Variants in GRIK1 observed in about 807,000 individuals in gnomAD.
The protein encoded by GRIK1 is glutamate receptor ionotropic, kainate 1.
A neutral mutation model predicts 105.7 loss-of-function variants in GRIK1; 69 were observed. The ratio of observed to expected loss-of-function variants is 0.65; its 90% CI spans 0.54 to 0.80. The LOEUF (loss-of-function observed/expected upper bound fraction) is 0.80. Among genes scored for constraint, GRIK1 ranks in the 30% least tolerant of loss-of-function variants. The pLI is 0.00. For missense variants in GRIK1, 1,109 were observed against 1,167.3 expected (o/e 0.95, Z 0.73); for synonymous variants, 438 against 431.3 (o/e 1.02, Z -0.19).
At chr21:29,792,501 A>C (rs2066446364) in intron 1 of GRIK1, among the ~76,000 whole-genome samples, 1 of 152,212 alleles carries the variant, frequency 6.6e-6, no homozygotes, top group African/African-American at 2.4e-5. Flanking sequence ...TCAACATGAG[A>C]AATCCTAGAG....
intron 1 of GRIK1, among the ~76,000 whole-genome samples, chr21:29,761,638 G>A (rs1446757594): frequency 6.6e-6 from 1 of 152,036 alleles, no homozygotes; most frequent in African/African-American, 2.4e-5. Flanking sequence ...TTTTAAATCA[G>A]ATTCTATTTA....
chr21:29,827,763 C>T (rs370011519), intron 1 of GRIK1, among the ~76,000 whole-genome samples: 1 of 152,050 alleles, frequency 6.6e-6, no homozygotes, highest in Non-Finnish European at 1.5e-5. Flanking sequence ...CAAGTAAACA[C>T]CCCAAAACTT....
intron 6 of GRIK1, among the ~76,000 whole-genome samples, chr21:29,650,266 G>A (rs1270803436): frequency 6.6e-6 from 1 of 152,174 alleles, no homozygotes; most frequent in African/African-American, 2.4e-5. Flanking sequence ...GAGATGTTGG[G>A]TAAATTGCAT....
chr21:29,909,748 G>C (rs978082651), intron 1 of GRIK1, among the ~76,000 whole-genome samples: 4 of 152,126 alleles, frequency 2.6e-5, no homozygotes, highest in Admixed American at 2.6e-4. Context: ...ATCACTTTCT[G>C]AAAAATCACA....
rs564243517 is a variant in GRIK1 at position 29,903,359 on chromosome 21, G to T, written c.118+36024C>A. Among the ~76,000 whole-genome samples, 144 of 152,254 alleles carry T rather than the reference G, an allele frequency of 9.5e-4. 1 individual carries two copies. The highest frequency in any genetic ancestry group is 3.3e-3 in the African/African-American group (139 of 41,550). On this transcript the variant is annotated intron_variant, in intron 1 of 17. Transcript: ENST00000327783. ...AGTGAACAGGCAACTTACAGAATGG[G>T]AGAAAATTTTTTCAATCTATCCATC...
At chr21:29,688,560 A>C (rs538923049) in intron 3 of GRIK1, among the ~76,000 whole-genome samples, 1 of 152,240 alleles carries the variant, frequency 6.6e-6, no homozygotes, top group South Asian at 2.1e-4. Context: ...TATTCTATCC[A>C]TGTGGAATTA....
At chr21:29,760,836 G>T (rs1235116341) in intron 1 of GRIK1, among the ~76,000 whole-genome samples, 1 of 152,152 alleles carries the variant, frequency 6.6e-6, no homozygotes, top group Non-Finnish European at 1.5e-5. Context: ...ATGTCTGTCA[G>T]TGATTCACAG....
chr21:29,798,154 A>G (rs977202605), intron 1 of GRIK1, among the ~76,000 whole-genome samples: 1 of 152,208 alleles, frequency 6.6e-6, no homozygotes, highest in African/African-American at 2.4e-5. Flanking sequence ...ACTGTCTTTT[A>G]TAATATACTT....
In GRIK1 at chr21:29,612,217, A is replaced by G. The variant is rs150056340; in HGVS notation, c.1099-13280T>C. Among the ~76,000 whole-genome samples, 106 of 152,288 alleles carry G rather than the reference A, an allele frequency of 7.0e-4. 1 individual carries two copies. The East Asian group carries it at 0.017, about 25-fold the overall frequency. On this transcript the variant is annotated intron_variant, in intron 7 of 17. Coordinates refer to ENST00000327783, the MANE Select transcript of GRIK1 (RefSeq NM_001330994.2). The stretch of plus-strand genomic sequence containing the variant: ...GGGATTTCTAGAAAATGAACCCTTG[A>G]CCTTTGGCTAGTTTGTTGAAACACC...
chr21:29,828,964 A>T (rs2067552136), intron 1 of GRIK1, among the ~76,000 whole-genome samples: 1 of 152,144 alleles, frequency 6.6e-6, no homozygotes, highest in Admixed American at 6.6e-5. Flanking sequence ...CTTTTAACTC[A>T]GCTCTTCTAA....
intron 1 of GRIK1, among the ~76,000 whole-genome samples, chr21:29,780,642 G>T (rs559587412): frequency 6.6e-6 from 1 of 152,264 alleles, no homozygotes; most frequent in South Asian, 2.1e-4. Context: ...GGGAATTAGG[G>T]CAAGAATCTC....
intron 1 of GRIK1, among the ~76,000 whole-genome samples, chr21:29,767,455 C>T (rs2065695572): frequency 6.6e-6 from 1 of 151,584 alleles, no homozygotes; most frequent in Non-Finnish European, 1.5e-5. Flanking sequence ...TACAACCTGT[C>T]TGCATTATGG....
At position 29,599,132 on chromosome 21, in the gene GRIK1, C is replaced by T. The variant is rs569938407; in HGVS notation, c.1099-195G>A. 1.7e-4 allele frequency among the ~76,000 whole-genome samples: 26 copies of T among 152,294 alleles called. No individual in the cohort carries two copies. The South Asian group carries it at 5.4e-3, about 32-fold the overall frequency. ...TTTTATTAGCACTCATTTATTCTGT[C>T]AATTCTAACATCCTAACCCAGTCAA... On this transcript the variant is annotated intron_variant, in intron 7 of 17. Coordinates refer to ENST00000327783, the MANE Select transcript of GRIK1 (RefSeq NM_001330994.2).
intron 1 of GRIK1, among the ~76,000 whole-genome samples, chr21:29,775,275 C>CA (rs66647707): frequency 0.012 from 873 of 73,716 alleles, 11 homozygotes; most frequent in East Asian, 0.041. Context: ...GCCTCTGTCT[C>CA]AAAAAAAAAA....
intron 1 of GRIK1, among the ~76,000 whole-genome samples, chr21:29,782,207 C>A (rs2066138216): frequency 6.6e-6 from 1 of 151,716 alleles, no homozygotes; most frequent in Non-Finnish European, 1.5e-5. Flanking sequence ...CTGCCTCAGC[C>A]TCCCGAGCAG....
intron 16 of GRIK1, 84 bp from the exon 17 acceptor site, chr21:29,537,968 A>G: frequency 1.5e-6 from 1 of 674,806 alleles, no homozygotes; most frequent in South Asian, 1.8e-5. Context: ...GCAATGATGC[A>G]GCTGTGGTCG....
intron 1 of GRIK1, among the ~76,000 whole-genome samples, chr21:29,898,308 T>C (rs1302929823): frequency 2.6e-5 from 4 of 152,200 alleles, no homozygotes; most frequent in Non-Finnish European, 1.5e-5. Flanking sequence ...AGTGCTACGA[T>C]GCCCTCGACA....
chr21:29,873,424 G>T (rs1195156246), intron 1 of GRIK1, among the ~76,000 whole-genome samples: 1 of 152,160 alleles, frequency 6.6e-6, no homozygotes, highest in East Asian at 1.9e-4. Context: ...CTTAACAGGG[G>T]TGTAAACTTG....
intron 7 of GRIK1, among the ~76,000 whole-genome samples, chr21:29,614,360 T>C (rs2061795548): frequency 6.6e-6 from 1 of 151,844 alleles, no homozygotes; most frequent in Admixed American, 6.6e-5. Flanking sequence ...AAGAGCACTT[T>C]CCTGGAACAA....
Sources: allele counts gnomAD v4.1 joint callset (sites outside exome capture counted in the v4.1 genomes callset), GRCh38; gene constraint gnomAD v4.1.1; transcripts MANE v1.5; gene names NCBI Gene and HGNC (gene_info 2026-07-23, HGNC 2026-07-21).